The following CNIH3 variants were observed in gnomAD, a reference collection of about 807,000 sequenced individuals.
The protein encoded by CNIH3 is cornichon family AMPA receptor auxiliary protein 3.
CNIH3 carries 14 observed loss-of-function variants against 24.1 expected under a neutral mutation model. The ratio of observed to expected loss-of-function variants is 0.58; its 90% CI spans 0.38 to 0.91. The LOEUF (loss-of-function observed/expected upper bound fraction) is 0.91. Among genes scored for constraint, CNIH3 ranks in the 40% least tolerant of loss-of-function variants. The pLI, the probability that CNIH3 is intolerant of heterozygous loss-of-function variation, is 0.00. For synonymous variants in CNIH3, 68 were observed against 73.8 expected (o/e 0.92, Z 0.40); for missense variants, 178 against 196.8 (o/e 0.90, Z 0.57).
chr1:224,559,207 G>C (rs1680262922), intron 3 of CNIH3, among the ~76,000 whole-genome samples: 1 of 152,002 alleles, frequency 6.6e-6, no homozygotes, highest in African/African-American at 2.4e-5. Context: ...ATACTGTTTG[G>C]GTTCTAGGCA....
At chr1:224,669,512 G>A (rs925305691) in intron 1 of CNIH3, among the ~76,000 whole-genome samples, 1 of 152,124 alleles carries the variant, frequency 6.6e-6, no homozygotes, top group Non-Finnish European at 1.5e-5. Context: ...GAGGGGCTCT[G>A]CCATGGCTTT....
At chr1:224,473,780 A>G (rs563806989) in intron 1 of CNIH3, among the ~76,000 whole-genome samples, 1 of 152,216 alleles carries the variant, frequency 6.6e-6, no homozygotes, top group Non-Finnish European at 1.5e-5. Context: ...TTTAATCTGC[A>G]CTATAGACCA....
chr1:224,489,084 C>G (rs1333642647), intron 1 of CNIH3, among the ~76,000 whole-genome samples: 1 of 151,898 alleles, frequency 6.6e-6, no homozygotes, highest in African/African-American at 2.4e-5. Flanking sequence ...TGAACATTGT[C>G]AATACATTGC....
Position 224,617,235 on chromosome 1 carries a change from A to G in CNIH3, c.61A>G (p.Ile21Val). ...MLSLVLCAALIFFAIWHIIAF... is the reference protein window; with the variant it reads ...MLSLVLCAALVFFAIWHIIAF... ...GTCTCTGGTGCTGTGCGCTGCGCTC[A>G]TCTTCTTCGCCATCTGGCACGTGAG... is the stretch of plus-strand genomic sequence containing the variant. Residue 21 changes from isoleucine to valine, a missense_variant, in exon 1 of 6, where the codon ATC (isoleucine) becomes GTC (valine). Physicochemically the swap from Ile to Val is conservative, Grantham distance 29 (BLOSUM62 3). Coordinates refer to ENST00000272133, the MANE Select transcript of CNIH3 (RefSeq NM_152495.2). 1.9e-6 allele frequency: 3 copies of G among 1,613,890 alleles called. No individual in the cohort carries two copies. The highest frequency in any genetic ancestry group is 2.5e-6 in the Non-Finnish European group (3 of 1,179,940).
At chr1:224,597,410 A>G (rs1682031183) in intron 3 of CNIH3, among the ~76,000 whole-genome samples, 1 of 152,226 alleles carries the variant, frequency 6.6e-6, no homozygotes, top group African/African-American at 2.4e-5. Flanking sequence ...AGAGAGATCA[A>G]GAAGAATCTT....
At chr1:224,639,543 C>G (rs755994112) in intron 1 of CNIH3, among the ~76,000 whole-genome samples, 4 of 152,184 alleles carry the variant, frequency 2.6e-5, no homozygotes, top group Non-Finnish European at 5.9e-5. Context: ...GAAATTAGAG[C>G]CAGAACATGT....
chr1:224,550,470 G>A (rs1326804058), intron 3 of CNIH3, among the ~76,000 whole-genome samples: 2 of 152,096 alleles, frequency 1.3e-5, no homozygotes, highest in African/African-American at 2.4e-5. Context: ...ATCACAGTGT[G>A]TAAACTGTGT....
intron 3 of CNIH3, among the ~76,000 whole-genome samples, chr1:224,708,815 T>C (rs1196916235): frequency 6.6e-6 from 1 of 152,180 alleles, no homozygotes; most frequent in African/African-American, 2.4e-5. Context: ...TCTGCCCTTG[T>C]TTTCCTCTTG....
At chr1:224,538,191 C>A (rs1679366647), downstream of CNIH3, among the ~76,000 whole-genome samples, 1 of 152,060 alleles carries the variant, frequency 6.6e-6, no homozygotes. Flanking sequence ...TCAAGTGATC[C>A]ATCCGCATCA....
chr1:224,739,399 C>T lies in CNIH3; in HGVS notation c.*43C>T. ...TCATCAGAGACTGAGATGGGAGAGGCCTGAGACGGAGAGGTGCATTTCTGC... is the reference window on the plus strand; with the variant it reads ...TCATCAGAGACTGAGATGGGAGAGGTCTGAGACGGAGAGGTGCATTTCTGC... On this transcript the variant is annotated 3_prime_UTR_variant, in exon 6 of 6. Coordinates refer to ENST00000272133, the MANE Select transcript of CNIH3 (RefSeq NM_152495.2). 1 of 1,593,166 alleles carries T rather than the reference C, an allele frequency of 6.3e-7. No homozygotes were observed.
chr1:224,504,381 G>T (rs766739430), intron 1 of CNIH3, among the ~76,000 whole-genome samples: 21 of 152,178 alleles, frequency 1.4e-4, no homozygotes, highest in Non-Finnish European at 2.4e-4. Context: ...AAAAATGTAG[G>T]ACATTATTCT....
intron 1 of CNIH3, among the ~76,000 whole-genome samples, chr1:224,465,943 G>A (rs532483211): frequency 1.6e-4 from 24 of 152,312 alleles, no homozygotes; most frequent in African/African-American, 4.6e-4. Flanking sequence ...CAGGAGAATC[G>A]CTTGAGCCTG....
chr1:224,447,421 C>T (rs1467402881), intron 1 of CNIH3, among the ~76,000 whole-genome samples: 1 of 152,144 alleles, frequency 6.6e-6, no homozygotes, highest in Non-Finnish European at 1.5e-5. Context: ...TATCTGGGCC[C>T]CCAGCCAGTT....
chr1:224,706,979 T>TTTG, intron 3 of CNIH3, among the ~76,000 whole-genome samples: 1 of 145,796 alleles, frequency 6.9e-6, no homozygotes, highest in Non-Finnish European at 1.5e-5. Flanking sequence ...TTTTTTTTTT[T>TTTG]TTGAGACAGA....
At chr1:224,732,894 C>T (rs1689410377) in intron 4 of CNIH3, among the ~76,000 whole-genome samples, 1 of 151,826 alleles carries the variant, frequency 6.6e-6, no homozygotes, top group Non-Finnish European at 1.5e-5. Flanking sequence ...TTTTTGAATC[C>T]CTGACAGGAT....
At chr1:224,497,463 G>C (rs570964961) in intron 1 of CNIH3, among the ~76,000 whole-genome samples, 10 of 152,312 alleles carry the variant, frequency 6.6e-5, no homozygotes, top group Admixed American at 1.3e-4. Context: ...GATGGAATAT[G>C]ATATTTTAAG....
chr1:224,522,381 A>G (rs1443822313), intron 2 of CNIH3, among the ~76,000 whole-genome samples: 2 of 152,196 alleles, frequency 1.3e-5, no homozygotes, highest in Non-Finnish European at 2.9e-5. Context: ...TACTACTAAA[A>G]TTGGGAAGGA....
At chr1:224,476,973 G>A (rs1180130695) in intron 1 of CNIH3, among the ~76,000 whole-genome samples, 2 of 152,142 alleles carry the variant, frequency 1.3e-5, no homozygotes. Context: ...GCAGTTACAG[G>A]CCTCACCCTG....
At chr1:224,485,543 A>G (rs1486952060) in intron 1 of CNIH3, among the ~76,000 whole-genome samples, 1 of 151,912 alleles carries the variant, frequency 6.6e-6, no homozygotes, top group Non-Finnish European at 1.5e-5. Context: ...CCCAGGCTGG[A>G]GTGCAGTGGC....
Sources: allele counts gnomAD v4.1 joint callset (sites outside exome capture counted in the v4.1 genomes callset), GRCh38; gene constraint gnomAD v4.1.1; transcripts MANE v1.5; gene names NCBI Gene and HGNC (gene_info 2026-07-23, HGNC 2026-07-21).